The following RBP5 variants were observed in gnomAD, a reference collection of about 807,000 sequenced individuals.
The protein encoded by RBP5 is retinol binding protein 5, also known as retinol-binding protein 5.
In RBP5, 12 loss-of-function variants were observed where a neutral mutation model predicts 17.8. The ratio of observed to expected loss-of-function variants is 0.67; its 90% CI spans 0.43 to 1.09. The LOEUF (loss-of-function observed/expected upper bound fraction) is 1.09. Ranked by LOEUF, RBP5 falls within the 50% of genes least tolerant of loss-of-function variation. RBP5 has a pLI of 0.00. For missense variants in RBP5, 172 were observed against 169.4 expected (o/e 1.02, Z -0.09); for synonymous variants, 64 against 68.1 (o/e 0.94, Z 0.30).
At chr12:7,116,418 T>G (rs1485031071) in exon 4 of RBP5, 1 of 152,286 alleles carries the variant, frequency 6.6e-6, no homozygotes, top group Non-Finnish European at 1.5e-5. Context: ...CTGTCTGATA[T>G]ATCCTCCCTG....
downstream of RBP5, among the ~76,000 whole-genome samples, chr12:7,123,363 T>C (rs1464468225): frequency 6.6e-6 from 1 of 152,224 alleles, no homozygotes; most frequent in Non-Finnish European, 1.5e-5. Context: ...TGTCTTTTAT[T>C]CCTTGACCTC....
chr12:7,124,264 C>T lies in RBP5; in HGVS notation c.355-90G>A. Reference sequence around the variant, plus strand: ...TCAAGGTCCTTGACCTCCATTTACTCCTTCCGGATACAGCAGCTTGAGTGT... The same window carrying T: ...TCAAGGTCCTTGACCTCCATTTACTTCTTCCGGATACAGCAGCTTGAGTGT... On this transcript the variant is annotated intron_variant, in intron 3 of 3. Transcript: ENST00000266560. This position sits in a 1 kb window ranked among gnomAD's most constrained non-coding sequence, Gnocchi z 5.3. 8.8e-7 allele frequency: 1 copy of T among 1,142,366 alleles called. No homozygotes were observed. The highest frequency in any genetic ancestry group is 1.3e-6 in the Non-Finnish European group (1 of 758,692). 70.8% of individuals were successfully genotyped at this position (1,142,366 alleles called of 1,614,324 possible). A position where few individuals can be genotyped will look rare whatever the true frequency, so the allele number is the denominator to read the frequency against.
chr12:7,116,238 G>C (rs1939003040), exon 4 of RBP5: 2 of 152,238 alleles, frequency 1.3e-5, no homozygotes, highest in African/African-American at 4.8e-5. Flanking sequence ...AGGTAGAGAA[G>C]ACCCAGAGGC....
chr12:7,124,612 G>A lies in RBP5; in HGVS notation c.354+17C>T, dbSNP rs1028937834. 3 of 1,322,358 alleles carry A rather than the reference G, an allele frequency of 2.3e-6. No homozygotes were observed. Among genetic ancestry groups the A allele is most frequent in the Non-Finnish European group, 3.3e-6 (3 of 915,244 alleles). The allele number at this position is 1,322,358 out of a possible 1,614,324, so 81.9% of individuals were successfully genotyped here. A position where few individuals can be genotyped will look rare whatever the true frequency, so the allele number is the denominator to read the frequency against. On this transcript the variant is annotated intron_variant, in intron 3 of 3. Coordinates refer to ENST00000266560, the MANE Select transcript of RBP5 (RefSeq NM_031491.4). This position sits in a 1 kb window ranked among gnomAD's most constrained non-coding sequence, Gnocchi z 5.3. ...TGGAGGCCCTTCTCCCAGACACCCA[G>A]CCCCCACCCCATTTACCAGATACAG...
Position 7,128,717 on chromosome 12 carries a change from T to G in RBP5, c.59A>C (p.Tyr20Ser). 6.2e-7 allele frequency: 1 copy of G among 1,602,328 alleles called. No homozygotes were observed. Among genetic ancestry groups the G allele is most frequent in the Non-Finnish European group, 8.5e-7 (1 of 1,174,410 alleles). ...GAGGCCATTACTTAGGGCTTGCAGG[T>G]AGTCCTCCATGTTCTTCTGCGAGAC... Reference protein sequence around the residue: ...RFVSQKNMEDYLQALNISLAV... With the variant: ...RFVSQKNMEDSLQALNISLAV... The change falls in exon 1 of 4, where the codon TAC (tyrosine) becomes TCC (serine). Residue 20 changes from tyrosine (Y) to serine (S), a missense_variant. Physicochemically the swap from Tyr to Ser is moderately radical, Grantham distance 144 (BLOSUM62 -2). Transcript: ENST00000266560. The surrounding 1 kb of genome is among the most constrained non-coding windows in gnomAD (Gnocchi z 5.3).
chr12:7,125,522 A>G (rs76904513), intron 2 of RBP5, among the ~76,000 whole-genome samples: 10,911 of 152,226 alleles, frequency 0.072, 478 homozygotes, highest in South Asian at 0.22. Flanking sequence ...GTTCTCCTTT[A>G]GGATAGGCCC....
chr12:7,119,014 G>C (rs1475228592), downstream of RBP5: 1 of 152,786 alleles, frequency 6.5e-6, no homozygotes. Context: ...GCATGAGGAA[G>C]CTCCAGGGCA....
intron 2 of RBP5, among the ~76,000 whole-genome samples, chr12:7,125,302 T>C (rs1565644951): frequency 2.0e-5 from 3 of 151,972 alleles, no homozygotes; most frequent in African/African-American, 7.3e-5. Flanking sequence ...GAGGTGAAAT[T>C]GGGGAGGGCA....
chr12:7,129,693 T>G, upstream of RBP5: 1 of 985,518 alleles, frequency 1.0e-6, no homozygotes, highest in South Asian at 4.7e-5. This position sits in a 1 kb window ranked among gnomAD's most constrained non-coding sequence, Gnocchi z 5.5. Flanking sequence ...CGCCCCCAGC[T>G]GCCCAATTCT....
At chr12:7,116,822 G>A (rs11609869) in exon 4 of RBP5, 1 of 151,880 alleles carries the variant, frequency 6.6e-6, no homozygotes, top group South Asian at 2.1e-4. Flanking sequence ...TGCCCACTTA[G>A]CGAATATTGA....
rs764325228 is a variant in RBP5 at position 7,124,116 on chromosome 12, T to G, written c.*5A>C. The G allele has an allele frequency of 6.2e-7, 1 of 1,613,920 alleles. No individual in the cohort carries two copies. Among genetic ancestry groups the G allele is most frequent in the Non-Finnish European group, 8.5e-7 (1 of 1,179,854 alleles). ...CTGTCTGGAGGGATCTTGGCTCCTC[T>G]CCGGCTATCTGACCTTCCTGAAGAC... On this transcript the variant is annotated 3_prime_UTR_variant, in exon 4 of 4. Transcript: ENST00000266560. The surrounding 1 kb of genome is among the most constrained non-coding windows in gnomAD (Gnocchi z 5.3).
chr12:7,128,771 G>A lies in RBP5; in HGVS notation c.5C>T (p.Pro2Leu), dbSNP rs1167366282. The A allele has an allele frequency of 1.3e-6, 2 of 1,599,298 alleles. No homozygotes were observed. Among genetic ancestry groups the A allele is most frequent in the Non-Finnish European group, 1.7e-6 (2 of 1,172,726 alleles). Reference protein sequence around the residue: MPPNLTGYYRFV... With the variant: MLPNLTGYYRFV... ...GCGGTAGTAGCCAGTGAGGTTGGGA[G>A]GCATTGTGTGGATGAAGGTTTCAGG... is the stretch of plus-strand genomic sequence containing the variant. Residue 2 changes from proline (P) to leucine (L), a missense_variant, in exon 1 of 4, where the codon CCT (proline) becomes CTT (leucine). Transcript: ENST00000266560. This position sits in a 1 kb window ranked among gnomAD's most constrained non-coding sequence, Gnocchi z 5.3.
intron 2 of RBP5, among the ~76,000 whole-genome samples, chr12:7,125,020 C>T (rs745614734): frequency 6.6e-6 from 1 of 152,192 alleles, no homozygotes; most frequent in Non-Finnish European, 1.5e-5. Context: ...GAATCTCATG[C>T]CTCAGCTACC....
In RBP5 at chr12:7,128,110, C is replaced by A; in HGVS notation, c.252+130G>T. 1 of 755,680 alleles carries A rather than the reference C, an allele frequency of 1.3e-6. No homozygotes were observed. The highest frequency in any genetic ancestry group is 2.1e-6 in the Non-Finnish European group (1 of 475,430). The allele number at this position is 755,680 out of a possible 1,614,324, so 46.8% of individuals were successfully genotyped here. ...AGACTGGTATCCTGGGGACTGCATT[C>A]CCTGCTGTGGTGACCATTCCCCTCC... On this transcript the variant is annotated intron_variant, in intron 2 of 3. Transcript: ENST00000266560. The surrounding 1 kb of genome is among the most constrained non-coding windows in gnomAD (Gnocchi z 5.3).
chr12:7,129,884 T>C (rs1047856258), upstream of RBP5: 14 of 904,912 alleles, frequency 1.5e-5, no homozygotes, highest in African/African-American at 1.8e-5. The surrounding 1 kb of genome is among the most constrained non-coding windows in gnomAD (Gnocchi z 5.5). Context: ...AGAGCCTCGA[T>C]ACCGCCCTGC....
At chr12:7,125,712 C>A (rs1044622037) in intron 2 of RBP5, among the ~76,000 whole-genome samples, 5 of 151,970 alleles carry the variant, frequency 3.3e-5, no homozygotes. Flanking sequence ...CTAGAAATAG[C>A]GGTAAAAGAG....
chr12:7,126,078 AAAAACAC>A (rs1939155281), intron 2 of RBP5, among the ~76,000 whole-genome samples: 1 of 151,488 alleles, frequency 6.6e-6, no homozygotes, highest in Non-Finnish European at 1.5e-5. Context: ...CCAAAAAAAA[AAAAACAC>A]AAAAACACAA....
At chr12:7,129,008 G>C, upstream of RBP5, 4 of 494,358 alleles carry the variant, frequency 8.1e-6, no homozygotes, top group South Asian at 6.3e-5. This position sits in a 1 kb window ranked among gnomAD's most constrained non-coding sequence, Gnocchi z 5.5. Flanking sequence ...CAGCCTGAAG[G>C]AGGGGCAGGG....
chr12:7,121,612 C>G (rs972272071), downstream of RBP5: 13 of 153,020 alleles, frequency 8.5e-5, no homozygotes, highest in Non-Finnish European at 1.9e-4. Flanking sequence ...GCACATGGTC[C>G]TCTGCTTCAC....
Sources: allele counts gnomAD v4.1 joint callset (sites outside exome capture counted in the v4.1 genomes callset), GRCh38; gene constraint gnomAD v4.1.1; non-coding constraint Gnocchi (gnomAD v3.1); transcripts MANE v1.5; gene names NCBI Gene and HGNC (gene_info 2026-07-23, HGNC 2026-07-21).